PHACTR2: variants seen among roughly 807,000 people sequenced by gnomAD.
PHACTR2 encodes chromosome 6 open reading frame 56.
A neutral mutation model predicts 76.0 loss-of-function variants in PHACTR2; 30 were observed. The ratio of observed to expected loss-of-function variants is 0.39; its 90% confidence interval spans 0.30 to 0.54. PHACTR2 has a LOEUF of 0.54. Among genes scored for constraint, PHACTR2 ranks in the 20% least tolerant of loss-of-function variants. The probability of loss-of-function intolerance (pLI) is 0.61; values close to 1 mark genes in which losing one functional copy is unlikely to be tolerated. For synonymous variants in PHACTR2, 292 were observed against 292.5 expected (o/e 1.00, Z 0.02); for missense variants, 696 against 781.1 (o/e 0.89, Z 1.30).
chr6:143,722,257 G>A lies in PHACTR2; in HGVS notation c.214+10074G>A, dbSNP rs1264701052. 1.3e-5 allele frequency among the ~76,000 whole-genome samples: 2 copies of A among 151,810 alleles called. No individual in the cohort carries two copies. The highest frequency in any genetic ancestry group is 2.9e-5 in the Non-Finnish European group (2 of 67,978). ...TCTCTGTACCCTCATGTGGATATATGTACATATCATATCCACATTTCTTGG... is the reference window on the plus strand; with the variant it reads ...TCTCTGTACCCTCATGTGGATATATATACATATCATATCCACATTTCTTGG... On this transcript the variant is annotated intron_variant, in intron 2 of 12. Transcript: ENST00000440869. This position sits in a 1 kb window ranked among gnomAD's most constrained non-coding sequence, Gnocchi z 4.1.
Position 143,774,294 on chromosome 6 carries a change from A to G in PHACTR2, c.1589+79A>G. The G allele has an allele frequency of 8.6e-7, 1 of 1,165,658 alleles. No homozygotes were observed. The highest frequency in any genetic ancestry group is 1.4e-5 in the South Asian group (1 of 72,148). 72.2% of individuals were successfully genotyped at this position (1,165,658 alleles called of 1,614,324 possible). On this transcript the variant is annotated intron_variant, in intron 8 of 12. Coordinates refer to ENST00000440869, the MANE Select transcript of PHACTR2 (RefSeq NM_001100164.2). This position sits in a 1 kb window ranked among gnomAD's most constrained non-coding sequence, Gnocchi z 5.4. ...CAAAGCTTCCTACCTAACTGGGGTC[A>G]TTGTGAATTCCTTATGTACAGATAC...
rs775760146 is a variant in PHACTR2 at position 143,738,672 on chromosome 6, C to T, written c.215-10313C>T. 1.3e-5 allele frequency among the ~76,000 whole-genome samples: 2 copies of T among 151,030 alleles called. No individual in the cohort carries two copies. Among genetic ancestry groups the T allele is most frequent in the Non-Finnish European group, 3.0e-5 (2 of 67,792 alleles). On this transcript the variant is annotated intron_variant, in intron 2 of 12. Coordinates refer to ENST00000440869, the MANE Select transcript of PHACTR2 (RefSeq NM_001100164.2). This position sits in a 1 kb window ranked among gnomAD's most constrained non-coding sequence, Gnocchi z 4.0. ...TTAGGAGGCTAAGGTGAGAGGATGG[C>T]TTGAGCCCGGGAGGCGGAGGCTGCA...
chr6:143,748,645 G>A lies in PHACTR2; in HGVS notation c.215-340G>A, dbSNP rs199727832. The stretch of plus-strand genomic sequence containing the variant: ...CTTCTTCATACACTGCATATCCATA[G>A]AATTATATGTTTTAGAATGCAACAT... On this transcript the variant is annotated intron_variant, in intron 2 of 12. Coordinates refer to ENST00000440869, the MANE Select transcript of PHACTR2 (RefSeq NM_001100164.2). Among the ~76,000 whole-genome samples the A allele has an allele frequency of 6.6e-5, 10 of 152,192 alleles. No individual in the cohort carries two copies. The East Asian group carries it at 1.9e-3, about 29-fold the overall frequency.
At chr6:143,661,472 T>G (rs1776944740) in intron 1 of PHACTR2, among the ~76,000 whole-genome samples, 1 of 151,798 alleles carries the variant, frequency 6.6e-6, no homozygotes, top group Non-Finnish European at 1.5e-5. Flanking sequence ...TATATCAAAG[T>G]ATAACAATAA....
At position 143,599,084 on chromosome 6, in the gene PHACTR2, G is replaced by T. The variant is rs947397010; in HGVS notation, c.217+61877G>T. The stretch of plus-strand genomic sequence containing the variant: ...ATTGATGACCCTCTGGGTACTCAGC[G>T]CTTTGCTCTAGGTGTCCTAAGCTGA... On this transcript the variant is annotated intron_variant, in intron 1 of 11. Coordinates refer to the PHACTR2 transcript ENST00000367584. The surrounding 1 kb of genome is among the most constrained non-coding windows in gnomAD (Gnocchi z 4.6). Among the ~76,000 whole-genome samples, 4 of 152,140 alleles carry T rather than the reference G, an allele frequency of 2.6e-5. No individual in the cohort carries two copies. Among genetic ancestry groups the T allele is most frequent in the Non-Finnish European group, 5.9e-5 (4 of 68,020 alleles).
At position 143,820,745 on chromosome 6, in the gene PHACTR2, A is replaced by G. The variant is rs750900452; in HGVS notation, c.1923-2929A>G. On this transcript the variant is annotated intron_variant, in intron 12 of 12. Coordinates refer to ENST00000440869, the MANE Select transcript of PHACTR2 (RefSeq NM_001100164.2). This position sits in a 1 kb window ranked among gnomAD's most constrained non-coding sequence, Gnocchi z 4.2. ...TTCCTTTTCACAGTTCCACTAGGCA[A>G]TGCCCCAGCAGAGACCCTTTGTGGA... Among the ~76,000 whole-genome samples, 5 of 152,176 alleles carry G rather than the reference A, an allele frequency of 3.3e-5. No individual in the cohort carries two copies. Among genetic ancestry groups the G allele is most frequent in the Admixed American group, 6.5e-5 (1 of 15,282 alleles).
At position 143,554,287 on chromosome 6, in the gene PHACTR2, C is replaced by T. The variant is rs1775136196; in HGVS notation, c.217+17080C>T. ...TGAAGACATTTAAAAATGTCTTTAC[C>T]TCCAACAATTTGCTGTTAAAAAATT... On this transcript the variant is annotated intron_variant, in intron 1 of 11. Transcript: ENST00000367584. This position sits in a 1 kb window ranked among gnomAD's most constrained non-coding sequence, Gnocchi z 5.9. The T allele has an allele frequency of 6.6e-6, 1 of 152,060 alleles. No individual in the cohort carries two copies. The highest frequency in any genetic ancestry group is 1.9e-4 in the East Asian group (1 of 5,176). 9.4% of individuals were successfully genotyped at this position (152,060 alleles called of 1,614,324 possible).
Position 143,698,961 on chromosome 6 carries a change from C to T in PHACTR2, c.47-13055C>T, listed in dbSNP as rs141549798. Among the ~76,000 whole-genome samples the T allele has an allele frequency of 6.6e-6, 1 of 152,310 alleles. No homozygotes were observed. The highest frequency in any genetic ancestry group is 2.4e-5 in the African/African-American group (1 of 41,566). ...CCCTGGTAATTCTCTTCAATGGTGG[C>T]TCTGTTGTCCTTTACCTCTCCTATC... is the stretch of plus-strand genomic sequence containing the variant. On this transcript the variant is annotated intron_variant, in intron 1 of 12. Coordinates refer to ENST00000440869, the MANE Select transcript of PHACTR2 (RefSeq NM_001100164.2). This position sits in a 1 kb window ranked among gnomAD's most constrained non-coding sequence, Gnocchi z 4.3.
At chr6:143,686,001 G>A (rs187034928) in intron 1 of PHACTR2, among the ~76,000 whole-genome samples, 85 of 151,932 alleles carry the variant, frequency 5.6e-4, no homozygotes, top group Middle Eastern at 3.4e-3. Flanking sequence ...GTGTGGTGGC[G>A]GGCGCCCGTA....
chr6:143,702,127 C>CTTTTTT (rs909954007), intron 1 of PHACTR2, among the ~76,000 whole-genome samples: 3 of 105,752 alleles, frequency 2.8e-5, no homozygotes, highest in African/African-American at 3.8e-5. Flanking sequence ...GTCTTCTTTG[C>CTTTTTT]TTTTTTTTTT....
chr6:143,590,822 A>G (rs1308153315), intron 1 of PHACTR2, among the ~76,000 whole-genome samples: 1 of 152,142 alleles, frequency 6.6e-6, no homozygotes, highest in Non-Finnish European at 1.5e-5. Flanking sequence ...AGGGTCTATT[A>G]TGATACCTTC....
At chr6:143,613,469 A>G (rs1047716052) in intron 1 of PHACTR2, among the ~76,000 whole-genome samples, 24 of 152,174 alleles carry the variant, frequency 1.6e-4, no homozygotes, top group African/African-American at 5.8e-4. Context: ...GTTTTACTCT[A>G]ATAGTGTAGT....
chr6:143,576,735 G>T (rs958829621), intron 1 of PHACTR2, among the ~76,000 whole-genome samples: 3 of 151,926 alleles, frequency 2.0e-5, no homozygotes, highest in African/African-American at 7.3e-5. Context: ...AATTAACCGG[G>T]TGTGGTGGCA....
rs10872562 is a variant in PHACTR2, at chr6:143,653,793, A to G, written c.13+45471A>G. ...GAAGAAAACATAGGTGTAAATTTTC[A>G]TGACCTTGAATTAGGCAATTATTTC... On this transcript the variant is annotated intron_variant, in intron 1 of 11. Coordinates refer to the PHACTR2 transcript ENST00000305766. The surrounding 1 kb of genome is among the most constrained non-coding windows in gnomAD (Gnocchi z 4.9). 0.18 allele frequency among the ~76,000 whole-genome samples: 28,033 copies of G among 152,096 alleles called. 2,671 individuals are homozygous for G. The highest frequency in any genetic ancestry group is 0.35 in the East Asian group (1,805 of 5,172).
rs548344326 is a variant in PHACTR2, at chr6:143,716,603, TG to T, written c.214+4421del. On this transcript the variant is annotated intron_variant, in intron 2 of 12. Transcript: ENST00000440869. ...ATCTGCCCACCTCAGCTTACTGAAG[TG>T]CTGAGAGTACAGGCGTGAGCCACCT... Among the ~76,000 whole-genome samples the T allele has an allele frequency of 5.6e-3, 853 of 152,328 alleles. 6 individuals carry two copies. The highest frequency in any genetic ancestry group is 9.1e-3 in the Non-Finnish European group (622 of 68,040).
At chr6:143,635,316 ATGTGTG>A (rs71834478) in intron 1 of PHACTR2, among the ~76,000 whole-genome samples, 43,356 of 149,532 alleles carry the variant, frequency 0.29, 6,336 homozygotes, top group African/African-American at 0.36. Flanking sequence ...AGCATTTAGG[ATGTGTG>A]TGTGTGTGTG....
chr6:143,587,633 A>G (rs951128724), intron 1 of PHACTR2, among the ~76,000 whole-genome samples: 1 of 152,204 alleles, frequency 6.6e-6, no homozygotes, highest in Non-Finnish European at 1.5e-5. Context: ...TGAATGAGAT[A>G]TTTAAAGGTA....
Position 143,821,439 on chromosome 6 carries a change from T to C in PHACTR2, c.1923-2235T>C, listed in dbSNP as rs1220519412. On this transcript the variant is annotated intron_variant, in intron 12 of 12. Coordinates refer to ENST00000440869, the MANE Select transcript of PHACTR2 (RefSeq NM_001100164.2). This position sits in a 1 kb window ranked among gnomAD's most constrained non-coding sequence, Gnocchi z 5.2. ...ATTCAACACAGTGACGTTTAGTAAG[T>C]ACTATCACGTGCCGGAGATTGTATT... Among the ~76,000 whole-genome samples the C allele has an allele frequency of 6.6e-6, 1 of 152,268 alleles. No homozygotes were observed. The highest frequency in any genetic ancestry group is 1.9e-4 in the East Asian group (1 of 5,200).
intron 2 of PHACTR2, among the ~76,000 whole-genome samples, chr6:143,721,176 T>C (rs77982059): frequency 6.6e-6 from 1 of 152,184 alleles, no homozygotes; most frequent in Non-Finnish European, 1.5e-5. Flanking sequence ...TCAAGTCCTA[T>C]TGAGACTGCC....
Sources: gnomAD v4.1 joint callset for allele counts (sites outside exome capture counted in the v4.1 genomes callset) on GRCh38, gnomAD v4.1.1 for gene constraint, Gnocchi (gnomAD v3.1) non-coding constraint, MANE v1.5 for transcripts, NCBI Gene and HGNC (gene_info 2026-07-23, HGNC 2026-07-21) for gene names.